The following ZBTB20 variants were observed in gnomAD, a reference collection of about 807,000 sequenced individuals.
ZBTB20 encodes the protein zinc finger and BTB domain-containing protein 20.
Under a neutral mutation model 56.9 loss-of-function variants are expected in ZBTB20, and 9 were observed. The observed-to-expected ratio is 0.16, with a 90% CI of 0.10 to 0.28. The LOEUF (loss-of-function observed/expected upper bound fraction) is 0.28. ZBTB20 is among the 10% of genes least tolerant of loss of function. The pLI, the probability that ZBTB20 is intolerant of heterozygous loss-of-function variation, is 1.00. For synonymous variants in ZBTB20, 417 were observed against 420.7 expected, an observed-to-expected ratio of 0.99 and a Z score of 0.11; for missense variants, 655 against 1,003.0, an observed-to-expected ratio of 0.65 and a Z score of 4.69.
chr3:114,911,122 CA>C (rs34080044), intron 3 of ZBTB20, among the ~76,000 whole-genome samples: 109,018 of 150,866 alleles, frequency 0.72, 42,813 homozygotes, highest in East Asian at 0.99. Flanking sequence ...CTAGTTATCC[CA>C]AAAAAAAAAG....
intron 4 of ZBTB20, among the ~76,000 whole-genome samples, chr3:114,848,250 G>C (rs979660476): frequency 2.0e-5 from 3 of 152,140 alleles, no homozygotes; most frequent in Non-Finnish European, 4.4e-5. Context: ...TGTTCTGAGT[G>C]TCTGAACACA....
intron 6 of ZBTB20, among the ~76,000 whole-genome samples, chr3:114,685,009 C>T (rs529157721): frequency 6.6e-6 from 1 of 152,042 alleles, no homozygotes; most frequent in Non-Finnish European, 1.5e-5. Flanking sequence ...TCTTATATCC[C>T]GCTTCCTTTT....
At chr3:114,465,518 C>A (rs1255894940) in intron 7 of ZBTB20, among the ~76,000 whole-genome samples, 1 of 151,850 alleles carries the variant, frequency 6.6e-6, no homozygotes, top group Non-Finnish European at 1.5e-5. Context: ...ACCAGCCTGG[C>A]CAATATGATG....
chr3:114,995,629 T>C (rs2078995330), intron 2 of ZBTB20, among the ~76,000 whole-genome samples: 1 of 151,896 alleles, frequency 6.6e-6, no homozygotes, highest in Non-Finnish European at 1.5e-5. Flanking sequence ...GTGCTTTCTA[T>C]TCACTTCTTC....
chr3:115,118,902 C>T (rs1267510144), intron 1 of ZBTB20, among the ~76,000 whole-genome samples: 1 of 151,832 alleles, frequency 6.6e-6, no homozygotes, highest in African/African-American at 2.4e-5. Flanking sequence ...CACATGAAAA[C>T]TTTTAATAGC....
intron 2 of ZBTB20, among the ~76,000 whole-genome samples, chr3:115,050,834 G>A (rs2081519698): frequency 6.6e-6 from 1 of 151,946 alleles, no homozygotes; most frequent in Admixed American, 6.6e-5. Flanking sequence ...ACAGAAAAGG[G>A]TAATAATAAA....
At chr3:115,073,241 T>C (rs2082475582) in intron 1 of ZBTB20, among the ~76,000 whole-genome samples, 1 of 152,180 alleles carries the variant, frequency 6.6e-6, no homozygotes, top group African/African-American at 2.4e-5. Context: ...AAAGTGAAAA[T>C]AACTAATTGG....
chr3:114,406,411 G>T (rs533341916), intron 7 of ZBTB20, among the ~76,000 whole-genome samples: 68 of 152,234 alleles, frequency 4.5e-4, no homozygotes, highest in Non-Finnish European at 8.8e-4. Context: ...ACTTGCAATT[G>T]ACTGTTCTTT....
intron 5 of ZBTB20, among the ~76,000 whole-genome samples, chr3:114,789,229 A>T (rs542916258): frequency 6.6e-6 from 1 of 152,328 alleles, no homozygotes; most frequent in Non-Finnish European, 1.5e-5. Context: ...TCACATGCAT[A>T]TCTGTGTGAT....
rs1171675686 is a variant in ZBTB20, at chr3:115,091,877, G to A, written c.-702-20463C>T. On this transcript the variant is annotated intron_variant, in intron 1 of 11. Coordinates refer to ENST00000675478, the MANE Select transcript of ZBTB20 (RefSeq NM_001348800.3). ...TCCTCAAGAAGCTCAAGGTTTAGTT[G>A]GAAGATGTGCTTACAAACAATGGCA... Among the ~76,000 whole-genome samples, 10 of 151,984 alleles carry A rather than the reference G, an allele frequency of 6.6e-5. No homozygotes were observed. The East Asian group carries it at 1.7e-3, about 26-fold the overall frequency.
At chr3:114,416,456 G>A (rs2088572772) in intron 7 of ZBTB20, among the ~76,000 whole-genome samples, 1 of 151,966 alleles carries the variant, frequency 6.6e-6, no homozygotes, top group Admixed American at 6.6e-5. Context: ...GCAACATACA[G>A]GGTTTTGTTT....
chr3:114,777,299 C>A (rs1391347293), intron 5 of ZBTB20, among the ~76,000 whole-genome samples: 1 of 151,914 alleles, frequency 6.6e-6, no homozygotes, highest in African/African-American at 2.4e-5. Flanking sequence ...GAGGTCAGGA[C>A]TTCAAGACCA....
chr3:114,544,429 CTTTCTTTCTTTCTTTCTTTCTTTCTTTCT>C (rs1232821794), intron 6 of ZBTB20, among the ~76,000 whole-genome samples: 1 of 78,212 alleles, frequency 1.3e-5, no homozygotes, highest in Non-Finnish European at 2.4e-5. Context: ...TTCTTTCTTT[CTTTCTTTCTTTCTTTCTTTCTTTCTTTCT>C]TTCTTTCTTT....
At chr3:114,367,594 C>G (rs548319597) in intron 10 of ZBTB20, among the ~76,000 whole-genome samples, 2 of 151,998 alleles carry the variant, frequency 1.3e-5, no homozygotes, top group Non-Finnish European at 2.9e-5. Context: ...CACTTGAAGA[C>G]AAAAAGGAAC....
At chr3:115,042,688 AC>A (rs2081188087) in intron 2 of ZBTB20, among the ~76,000 whole-genome samples, 1 of 152,224 alleles carries the variant, frequency 6.6e-6, no homozygotes, top group African/African-American at 2.4e-5. Context: ...CCACACTCAT[AC>A]AAAATGCATT....
chr3:114,523,429 A>G (rs2046862569), intron 6 of ZBTB20, among the ~76,000 whole-genome samples: 1 of 152,156 alleles, frequency 6.6e-6, no homozygotes, highest in Non-Finnish European at 1.5e-5. Flanking sequence ...ATGGGACAGG[A>G]GCTGCTAGGG....
intron 2 of ZBTB20, among the ~76,000 whole-genome samples, chr3:114,997,341 A>G (rs1576522618): frequency 6.6e-6 from 1 of 151,778 alleles, no homozygotes; most frequent in African/African-American, 2.4e-5. Flanking sequence ...TGTTTGTACA[A>G]CCTTGCGAAT....
intron 4 of ZBTB20, among the ~76,000 whole-genome samples, chr3:114,868,227 C>G (rs2107525991): frequency 6.6e-6 from 1 of 152,228 alleles, no homozygotes; most frequent in African/African-American, 2.4e-5. Context: ...CTTATCATTG[C>G]CAAAATCCCC....
At chr3:115,137,272 T>G (rs2084676339) in intron 1 of ZBTB20, among the ~76,000 whole-genome samples, 1 of 152,020 alleles carries the variant, frequency 6.6e-6, no homozygotes, top group South Asian at 2.1e-4. Flanking sequence ...ACAGTAAACA[T>G]TATCTTTTGA....
Sources: gnomAD v4.1 joint callset for allele counts (sites outside exome capture counted in the v4.1 genomes callset) on GRCh38, gnomAD v4.1.1 for gene constraint, MANE v1.5 for transcripts, NCBI Gene and HGNC (gene_info 2026-07-23, HGNC 2026-07-21) for gene names.